Variants in OTUD7A observed in about 807,000 individuals in gnomAD.
OTUD7A encodes the protein OTU domain-containing protein 7A.
A neutral mutation model predicts 65.7 loss-of-function variants in OTUD7A; 12 were observed. The observed-to-expected ratio is 0.18, with a 90% CI of 0.12 to 0.30. The LOEUF is 0.30. OTUD7A is among the 10% of genes least tolerant of loss of function. OTUD7A has a pLI of 1.00. For synonymous variants in OTUD7A, 641 were observed against 586.3 expected (o/e 1.09, Z -1.35); for missense variants, 1,148 against 1,304.8 (o/e 0.88, Z 1.85).
intron 1 of OTUD7A, among the ~76,000 whole-genome samples, chr15:31,792,272 G>C (rs986650109): frequency 6.6e-6 from 1 of 152,016 alleles, no homozygotes; most frequent in Non-Finnish European, 1.5e-5. Context: ...GACTACATTC[G>C]ATTCTCCACA....
chr15:31,525,920 AAATT>A (rs1349105870), intron 8 of OTUD7A, among the ~76,000 whole-genome samples: 1 of 152,214 alleles, frequency 6.6e-6, no homozygotes. Context: ...TTGAAGCCAC[AAATT>A]AATTAGTTGG....
rs1439013903 is a variant in OTUD7A at position 31,483,523 on chromosome 15, T to C, written c.2573A>G (p.Tyr858Cys). ...AGAAEHKSQTYTNGFGALRDG... is the reference protein window; with the variant it reads ...AGAAEHKSQTCTNGFGALRDG... ...GCGCAGGGCGCCGAAGCCGTTGGTG[T>C]AGGTCTGCGACTTGTGCTCGGCCGC... The change falls in exon 13 of 13, where the codon TAC (tyrosine) becomes TGC (cysteine). Residue 858 changes from tyrosine (Y) to cysteine (C), a missense_variant. By Grantham distance (194) the Tyr-to-Cys change is radical (BLOSUM62 -2). This residue lies in a region of OTUD7A where 842 missense variants were observed against 769.5 expected (regional missense o/e 1.09). Coordinates refer to ENST00000307050, the MANE Select transcript of OTUD7A (RefSeq NM_001382637.1). 5.0e-6 allele frequency: 7 copies of C among 1,388,762 alleles called. No homozygotes were observed. Among genetic ancestry groups the C allele is most frequent in the Non-Finnish European group, 6.6e-6 (7 of 1,068,534 alleles). 86.0% of individuals were successfully genotyped at this position (1,388,762 alleles called of 1,614,324 possible). A position where few individuals can be genotyped will look rare whatever the true frequency, so the allele number is the denominator to read the frequency against.
intron 3 of OTUD7A, among the ~76,000 whole-genome samples, chr15:31,633,858 C>T (rs556877034): frequency 1.2e-4 from 19 of 152,312 alleles, no homozygotes; most frequent in South Asian, 6.2e-4. Context: ...CAGGTCCTGA[C>T]GGCTCCCCTA....
intron 1 of OTUD7A, among the ~76,000 whole-genome samples, chr15:31,677,921 T>C (rs1190614530): frequency 4.6e-5 from 7 of 152,166 alleles, no homozygotes; most frequent in Non-Finnish European, 1.0e-4. Context: ...GTGGGAAACT[T>C]TGGAACTTCC....
At chr15:31,801,831 TA>T (rs1896132512) in intron 1 of OTUD7A, among the ~76,000 whole-genome samples, 1 of 152,162 alleles carries the variant, frequency 6.6e-6, no homozygotes, top group Non-Finnish European at 1.5e-5. Context: ...TCATGATAAA[TA>T]AATGTAAAAT....
intron 1 of OTUD7A, among the ~76,000 whole-genome samples, chr15:31,846,569 A>AT (rs1897297669): frequency 6.6e-6 from 1 of 152,092 alleles, no homozygotes; most frequent in Admixed American, 6.5e-5. Flanking sequence ...CACTGGCAAG[A>AT]TTCATCTACT....
chr15:31,591,809 G>A (rs192038636), intron 3 of OTUD7A, among the ~76,000 whole-genome samples: 5 of 152,300 alleles, frequency 3.3e-5, no homozygotes, highest in Admixed American at 1.3e-4. Flanking sequence ...ATCACTAGGC[G>A]ATTTCATCAT....
chr15:31,635,370 T>A (rs188727478), intron 3 of OTUD7A, among the ~76,000 whole-genome samples: 4 of 152,334 alleles, frequency 2.6e-5, no homozygotes, highest in African/African-American at 7.2e-5. Context: ...AAGAAACTTG[T>A]TGAAGATTGC....
chr15:31,634,409 A>C (rs1325462412), intron 3 of OTUD7A, among the ~76,000 whole-genome samples: 1 of 152,016 alleles, frequency 6.6e-6, no homozygotes, highest in Non-Finnish European at 1.5e-5. Flanking sequence ...TTCTCTACAC[A>C]CACTCTTCCC....
chr15:31,732,323 A>G (rs1212062223), intron 1 of OTUD7A, among the ~76,000 whole-genome samples: 2 of 152,216 alleles, frequency 1.3e-5, no homozygotes, highest in African/African-American at 4.8e-5. Flanking sequence ...TCTGCTGTGG[A>G]TAACTTTGAG....
chr15:31,627,924 T>A (rs1343633994), intron 3 of OTUD7A, among the ~76,000 whole-genome samples: 1 of 152,206 alleles, frequency 6.6e-6, no homozygotes, highest in Non-Finnish European at 1.5e-5. Flanking sequence ...CTTCACCCAC[T>A]TGTTGATGGG....
chr15:31,774,779 A>AAGAT (rs1316614373), intron 1 of OTUD7A, among the ~76,000 whole-genome samples: 3 of 152,150 alleles, frequency 2.0e-5, no homozygotes, highest in Non-Finnish European at 2.9e-5. Flanking sequence ...TTAGGAAAGG[A>AAGAT]AGATGTATTT....
chr15:31,613,960 T>C (rs1321320711), intron 3 of OTUD7A, among the ~76,000 whole-genome samples: 2 of 152,190 alleles, frequency 1.3e-5, no homozygotes, highest in East Asian at 1.9e-4. Flanking sequence ...CAATGGAATA[T>C]TACTCAGCCA....
intron 1 of OTUD7A, among the ~76,000 whole-genome samples, chr15:31,817,243 T>C (rs1219237874): frequency 6.7e-6 from 1 of 149,672 alleles, no homozygotes; most frequent in African/African-American, 2.5e-5. Flanking sequence ...ATCCAGTTTC[T>C]CCTGTTTGTA....
rs991485425 is a variant in OTUD7A at position 31,659,053 on chromosome 15, A to G, written c.-99-1976T>C. The stretch of plus-strand genomic sequence containing the variant: ...TGAATGAATGAATGAATAAATAAAT[A>G]AATAAATAAATAAATAAATAAATAA... On this transcript the variant is annotated intron_variant, in intron 1 of 12. Transcript: ENST00000307050. 9.7e-3 allele frequency among the ~76,000 whole-genome samples: 910 copies of G among 93,474 alleles called. 8 individuals carry two copies. The highest frequency in any genetic ancestry group is 0.036 in the African/African-American group (667 of 18,352). 61.3% of individuals were successfully genotyped at this position (93,474 alleles called of 152,430 possible).
intron 1 of OTUD7A, among the ~76,000 whole-genome samples, chr15:31,686,751 C>T (rs1194461729): frequency 6.6e-6 from 1 of 152,204 alleles, no homozygotes; most frequent in Non-Finnish European, 1.5e-5. Context: ...CAGAGGAACC[C>T]CACAGGGCCA....
At chr15:31,515,776 C>T (rs541601486) in intron 8 of OTUD7A, among the ~76,000 whole-genome samples, 2 of 149,670 alleles carry the variant, frequency 1.3e-5, no homozygotes, top group Non-Finnish European at 3.0e-5. Flanking sequence ...CAACTGTCCA[C>T]CCAACCACCC....
At chr15:31,505,626 G>A (rs1361317411) in intron 8 of OTUD7A, among the ~76,000 whole-genome samples, 3 of 152,074 alleles carry the variant, frequency 2.0e-5, no homozygotes, top group Admixed American at 6.6e-5. Flanking sequence ...GTGGAGGAGA[G>A]TTAGGAGTTA....
intron 1 of OTUD7A, among the ~76,000 whole-genome samples, chr15:31,734,242 A>C (rs1329481144): frequency 6.6e-6 from 1 of 152,216 alleles, no homozygotes; most frequent in Non-Finnish European, 1.5e-5. Flanking sequence ...ACACTGCTTA[A>C]AGAAATCAGA....
Sources: allele counts gnomAD v4.1 joint callset (sites outside exome capture counted in the v4.1 genomes callset), GRCh38; gene constraint gnomAD v4.1.1; regional missense constraint gnomAD v4.1.1; transcripts MANE v1.5; gene names NCBI Gene and HGNC (gene_info 2026-07-23, HGNC 2026-07-21).